The following HOMER2 variants were observed in gnomAD, a reference collection of about 807,000 sequenced individuals.
The protein encoded by HOMER2 is homer protein homolog 2.
HOMER2 carries 27 observed loss-of-function variants against 47.0 expected under a neutral mutation model. The ratio of observed to expected loss-of-function variants is 0.57; its 90% confidence interval spans 0.42 to 0.79. The LOEUF (loss-of-function observed/expected upper bound fraction) is 0.79, where lower values mean the gene tolerates loss of function less well. Among genes scored for constraint, HOMER2 ranks in the 30% least tolerant of loss-of-function variants. The pLI is 0.00. For missense variants in HOMER2, 443 were observed against 435.0 expected (o/e 1.02, Z -0.16); for synonymous variants, 161 against 163.8 (o/e 0.98, Z 0.13).
In HOMER2 at chr15:82,868,541, A is replaced by ATATATTTT; in HGVS notation, c.295-4283_295-4282insAAAATATA. Reference sequence around the variant, plus strand: ...ATTTATTTTATATATATATATATATATTTTTTTTTTTTTTTTTCCCCTTTT... The same window carrying ATATATTTT: ...ATTTATTTTATATATATATATATATATATATTTTTTTTTTTTTTTTTTTTTCCCCTTTT... On this transcript the variant is annotated intron_variant, in intron 3 of 8. Coordinates refer to ENST00000450735, the MANE Select transcript of HOMER2 (RefSeq NM_004839.4). 3.5e-4 allele frequency among the ~76,000 whole-genome samples: 25 copies of ATATATTTT among 71,286 alleles called. 1 individual carries two copies. Among genetic ancestry groups the ATATATTTT allele is most frequent in the Admixed American group, 5.5e-4 (3 of 5,450 alleles). 46.8% of individuals were successfully genotyped at this position (71,286 alleles called of 152,430 possible). A position where few individuals can be genotyped will look rare whatever the true frequency, so the allele number is the denominator to read the frequency against.
chr15:82,960,865 C>T (rs954615575), intron 1 of HOMER2, among the ~76,000 whole-genome samples: 1 of 152,164 alleles, frequency 6.6e-6, no homozygotes, highest in African/African-American at 2.4e-5. Context: ...AATCTGGGGT[C>T]CTCATAGTGA....
At chr15:82,838,626 G>A (rs1269242460) in exon 2 of HOMER2, 3 of 152,316 alleles carry the variant, frequency 2.0e-5, no homozygotes, top group Non-Finnish European at 4.4e-5. Context: ...ATGGAGGCAT[G>A]AGGTATCCAG....
intron 1 of HOMER2, among the ~76,000 whole-genome samples, chr15:82,979,179 T>A (rs1300928713): frequency 6.6e-6 from 1 of 152,234 alleles, no homozygotes. Context: ...CAATTAAACC[T>A]CTTCCCTTTA....
rs542568315 is a variant in HOMER2 at position 82,851,602 on chromosome 15, G to A, written c.763-371C>T. Among the ~76,000 whole-genome samples the A allele has an allele frequency of 6.3e-4, 96 of 152,264 alleles. No individual in the cohort carries two copies. The East Asian group carries it at 6.8e-3, about 11-fold the overall frequency. On this transcript the variant is annotated intron_variant, in intron 7 of 8. Transcript: ENST00000450735. ...GCCAGGCATGGTGGCAGTGAGTGCA[G>A]GTGGCTGGCGCCGGGAGCTGGGCTG...
chr15:82,895,003 G>A (rs1256374076), intron 1 of HOMER2, among the ~76,000 whole-genome samples: 1 of 152,156 alleles, frequency 6.6e-6, no homozygotes, highest in Non-Finnish European at 1.5e-5. Flanking sequence ...CCTCATATAA[G>A]GGCTACTGAG....
At chr15:82,843,685 A>AT (rs1236092193) in exon 2 of HOMER2, 1 of 152,066 alleles carries the variant, frequency 6.6e-6, no homozygotes, top group Non-Finnish European at 1.5e-5. Flanking sequence ...AAAGGGTTAC[A>AT]TTTTAACCAA....
intron 3 of HOMER2, among the ~76,000 whole-genome samples, chr15:82,867,976 T>A (rs1176768954): frequency 6.6e-6 from 1 of 152,172 alleles, no homozygotes; most frequent in Non-Finnish European, 1.5e-5. Context: ...GCCTAGTAAT[T>A]GTCCTTTGGT....
chr15:82,930,921 G>T (rs1262558811), intron 1 of HOMER2, among the ~76,000 whole-genome samples: 2 of 152,084 alleles, frequency 1.3e-5, no homozygotes, highest in Non-Finnish European at 2.9e-5. Flanking sequence ...AGCTACTTGG[G>T]GGGGCTGAGG....
intron 1 of HOMER2, among the ~76,000 whole-genome samples, chr15:82,937,469 A>G (rs1387942047): frequency 6.6e-6 from 1 of 152,164 alleles, no homozygotes; most frequent in Admixed American, 6.6e-5. Context: ...AGGGACACAG[A>G]TAAGCTGCCC....
At position 82,870,948 on chromosome 15, in the gene HOMER2, C is replaced by T. The variant is rs528350803; in HGVS notation, c.294+4325G>A. Among the ~76,000 whole-genome samples, 43 of 152,348 alleles carry T rather than the reference C, an allele frequency of 2.8e-4. 1 individual carries two copies. The highest frequency in any genetic ancestry group is 1.0e-3 in the African/African-American group (42 of 41,590). ...AACCAAACTTAGAACAGTGACAACT[C>T]GAGGTCAAATGCCAGAAAGAAACTA... On this transcript the variant is annotated intron_variant, in intron 3 of 8. Transcript: ENST00000450735.
At chr15:82,866,069 T>G (rs2051955953) in intron 3 of HOMER2, among the ~76,000 whole-genome samples, 1 of 152,130 alleles carries the variant, frequency 6.6e-6, no homozygotes, top group African/African-American at 2.4e-5. Flanking sequence ...AACTGACAGT[T>G]TGCACCGTGT....
intron 1 of HOMER2, among the ~76,000 whole-genome samples, chr15:82,897,594 G>T (rs1034262711): frequency 6.6e-6 from 1 of 152,146 alleles, no homozygotes; most frequent in East Asian, 1.9e-4. Flanking sequence ...TGTCATTTGT[G>T]TAATTAAGTC....
chr15:82,968,503 C>A (rs2151255938), intron 1 of HOMER2, among the ~76,000 whole-genome samples: 1 of 152,336 alleles, frequency 6.6e-6, no homozygotes, highest in South Asian at 2.1e-4. Context: ...CTCCGTCTCA[C>A]CCCTCTTCCC....
intron 1 of HOMER2, among the ~76,000 whole-genome samples, chr15:82,931,026 G>T (rs551455857): frequency 1.3e-5 from 2 of 151,740 alleles, no homozygotes; most frequent in Admixed American, 1.3e-4. Flanking sequence ...GTGCTCTTGG[G>T]CTCCCTCAGT....
At chr15:82,971,837 T>C (rs1351988213) in intron 1 of HOMER2, among the ~76,000 whole-genome samples, 1 of 152,150 alleles carries the variant, frequency 6.6e-6, no homozygotes, top group Admixed American at 6.6e-5. Context: ...CTGTCATCTT[T>C]CCAAGAGGTA....
intron 1 of HOMER2, among the ~76,000 whole-genome samples, chr15:82,945,786 A>G (rs377329933): frequency 3.9e-5 from 6 of 152,036 alleles, no homozygotes; most frequent in Non-Finnish European, 8.8e-5. Flanking sequence ...CTGGCTAACA[A>G]GGTGAAATCC....
At chr15:82,911,797 G>A (rs2053460548) in intron 1 of HOMER2, among the ~76,000 whole-genome samples, 1 of 152,140 alleles carries the variant, frequency 6.6e-6, no homozygotes, top group South Asian at 2.1e-4. Flanking sequence ...TTGGGAGGCC[G>A]AGACAGGACC....
At chr15:82,928,525 G>A (rs905324778) in intron 1 of HOMER2, among the ~76,000 whole-genome samples, 28 of 152,200 alleles carry the variant, frequency 1.8e-4, no homozygotes, top group African/African-American at 2.9e-4. Flanking sequence ...CTAGAAGACT[G>A]CAACCATGAA....
chr15:82,859,872 A>T (rs1298317902), intron 4 of HOMER2, among the ~76,000 whole-genome samples: 1 of 152,208 alleles, frequency 6.6e-6, no homozygotes, highest in Non-Finnish European at 1.5e-5. Context: ...ATTTCAAAAA[A>T]AACACCATAA....
Sources: gnomAD v4.1 joint callset for allele counts (sites outside exome capture counted in the v4.1 genomes callset) on GRCh38, gnomAD v4.1.1 for gene constraint, MANE v1.5 for transcripts, NCBI Gene and HGNC (gene_info 2026-07-23, HGNC 2026-07-21) for gene names.